SGCZ: variants seen among roughly 807,000 people sequenced by gnomAD.
SGCZ encodes the protein zeta-sarcoglycan.
A neutral mutation model predicts 41.3 loss-of-function variants in SGCZ; 40 were observed. The observed-to-expected ratio is 0.97, with a 90% CI of 0.75 to 1.26. The LOEUF is 1.26. Ranked by LOEUF, SGCZ falls within the 50% of genes most tolerant of loss-of-function variation. SGCZ has a pLI of 0.00. For synonymous variants in SGCZ, 206 were observed against 137.5 expected, an observed-to-expected ratio of 1.50 and a Z score of -3.49; for missense variants, 552 against 369.8, an observed-to-expected ratio of 1.49 and a Z score of -4.04.
At chr8:14,110,715 A>AT (rs1802345852) in intron 5 of SGCZ, among the ~76,000 whole-genome samples, 1 of 152,148 alleles carries the variant, frequency 6.6e-6, no homozygotes, top group Non-Finnish European at 1.5e-5. Context: ...GTAAGGGATG[A>AT]TAAAAGCCAC....
intron 1 of SGCZ, among the ~76,000 whole-genome samples, chr8:14,597,264 T>C (rs1010866153): frequency 2.0e-5 from 3 of 152,174 alleles, no homozygotes; most frequent in Non-Finnish European, 4.4e-5. Context: ...AAAGGAAACT[T>C]TGGTGTGTGG....
Position 14,190,853 on chromosome 8 carries a change from C to T in SGCZ, c.425-26151G>A, listed in dbSNP as rs548576555. Among the ~76,000 whole-genome samples the T allele has an allele frequency of 1.4e-4, 22 of 152,218 alleles. No homozygotes were observed. The South Asian group carries it at 3.9e-3, about 27-fold the overall frequency. Reference sequence around the variant, plus strand: ...TCCTGACCTTGTGATCCACCCGCCTCGGACTCCCAAAGTGCTGGGATTACA... The same window carrying T: ...TCCTGACCTTGTGATCCACCCGCCTTGGACTCCCAAAGTGCTGGGATTACA... On this transcript the variant is annotated intron_variant, in intron 4 of 7. Coordinates refer to ENST00000382080, the MANE Select transcript of SGCZ (RefSeq NM_139167.4).
intron 2 of SGCZ, among the ~76,000 whole-genome samples, chr8:14,530,423 A>T (rs945632824): frequency 3.3e-5 from 5 of 152,034 alleles, no homozygotes; most frequent in Admixed American, 1.3e-4. Flanking sequence ...TCATGTTTTT[A>T]TTTGATAATA....
chr8:14,412,428 T>A (rs890806222), intron 2 of SGCZ, among the ~76,000 whole-genome samples: 5 of 152,276 alleles, frequency 3.3e-5, no homozygotes, highest in Admixed American at 2.6e-4. Flanking sequence ...CTAGTTCATA[T>A]GAATGGAATT....
intron 1 of SGCZ, among the ~76,000 whole-genome samples, chr8:14,812,821 A>G (rs1409427003): frequency 6.6e-6 from 1 of 152,080 alleles, no homozygotes; most frequent in Non-Finnish European, 1.5e-5. Context: ...AGCTTCCACA[A>G]TTATCAAGCA....
intron 1 of SGCZ, among the ~76,000 whole-genome samples, chr8:15,079,073 T>C (rs1221276413): frequency 6.6e-6 from 1 of 152,168 alleles, no homozygotes; most frequent in Non-Finnish European, 1.5e-5. Context: ...TGCTCCTCCT[T>C]CTTCCTCCCA....
chr8:14,445,789 A>C (rs1194323428), intron 2 of SGCZ, among the ~76,000 whole-genome samples: 1 of 152,112 alleles, frequency 6.6e-6, no homozygotes, highest in African/African-American at 2.4e-5. Context: ...CAGACAGTGG[A>C]GTTAGGAGAG....
rs144256462 is a variant in SGCZ at position 14,664,431 on chromosome 8, T to C, written c.40-109505A>G. Among the ~76,000 whole-genome samples, 503 of 152,280 alleles carry C rather than the reference T, an allele frequency of 3.3e-3. 5 individuals are homozygous for C. The highest frequency in any genetic ancestry group is 0.012 in the African/African-American group (482 of 41,556). On this transcript the variant is annotated intron_variant, in intron 1 of 7. Coordinates refer to ENST00000382080, the MANE Select transcript of SGCZ (RefSeq NM_139167.4). ...GTCTTTAAAATGAAAGAAATACCAA[T>C]ATTTGTTTAATTCGATTGCATGAAT...
intron 1 of SGCZ, among the ~76,000 whole-genome samples, chr8:14,660,417 C>T (rs1046008667): frequency 6.6e-5 from 10 of 151,526 alleles, no homozygotes; most frequent in African/African-American, 2.4e-4. Flanking sequence ...ACTAAAAATA[C>T]TCAAATTAGC....
At chr8:14,925,582 G>C (rs778748815) in intron 1 of SGCZ, among the ~76,000 whole-genome samples, 4 of 152,178 alleles carry the variant, frequency 2.6e-5, no homozygotes, top group African/African-American at 4.8e-5. Context: ...TGCCCGTGTG[G>C]GTTGAAAAGA....
At chr8:15,027,810 A>AT (rs1803513667) in intron 1 of SGCZ, among the ~76,000 whole-genome samples, 1 of 151,970 alleles carries the variant, frequency 6.6e-6, no homozygotes, top group Non-Finnish European at 1.5e-5. Context: ...AGTACTCATA[A>AT]TTTTTTATTT....
intron 4 of SGCZ, among the ~76,000 whole-genome samples, chr8:14,182,940 G>A (rs1413972572): frequency 6.6e-6 from 1 of 150,866 alleles, no homozygotes; most frequent in Non-Finnish European, 1.5e-5. Flanking sequence ...AACCCAGGAG[G>A]CAGAGGTTGC....
rs550331254 is a variant in SGCZ, at chr8:14,125,210, G to A, written c.548-16975C>T. On this transcript the variant is annotated intron_variant, in intron 5 of 7. Transcript: ENST00000382080. ...AGAATCACTATTGTTGGCCAGGCGT[G>A]GTGGCTCACGCCTGCAATCCCAGCA... 2.3e-3 allele frequency among the ~76,000 whole-genome samples: 354 copies of A among 152,196 alleles called. 2 individuals carry two copies. The highest frequency in any genetic ancestry group is 7.9e-3 in the African/African-American group (329 of 41,536).
At chr8:14,625,890 G>A (rs1019633347) in intron 1 of SGCZ, among the ~76,000 whole-genome samples, 1 of 152,150 alleles carries the variant, frequency 6.6e-6, no homozygotes, top group Non-Finnish European at 1.5e-5. Flanking sequence ...GGTCAAATGA[G>A]AATTCATGAT....
intron 1 of SGCZ, among the ~76,000 whole-genome samples, chr8:14,995,224 C>T (rs1187325217): frequency 6.6e-6 from 1 of 152,236 alleles, no homozygotes; most frequent in East Asian, 1.9e-4. Context: ...TTGGAAAGCT[C>T]ACGCTGGTAG....
At chr8:14,825,350 A>C (rs6982705) in intron 1 of SGCZ, among the ~76,000 whole-genome samples, 61,119 of 151,996 alleles carry the variant, frequency 0.4, 16,282 homozygotes, top group African/African-American at 0.74. Flanking sequence ...TAGAATCTTT[A>C]CAATTTTTTA....
At chr8:14,774,467 C>T (rs928945362) in intron 1 of SGCZ, among the ~76,000 whole-genome samples, 1 of 152,202 alleles carries the variant, frequency 6.6e-6, no homozygotes, top group African/African-American at 2.4e-5. Context: ...ACACCTGTGT[C>T]CCCTACCAGA....
At chr8:14,519,518 A>T (rs1199621339) in intron 2 of SGCZ, among the ~76,000 whole-genome samples, 1 of 152,142 alleles carries the variant, frequency 6.6e-6, no homozygotes, top group African/African-American at 2.4e-5. Flanking sequence ...GTTCATGTTA[A>T]AAAACACTTT....
chr8:15,164,719 A>C (rs1454518736), intron 1 of SGCZ, among the ~76,000 whole-genome samples: 1 of 149,716 alleles, frequency 6.7e-6, no homozygotes, highest in East Asian at 2.0e-4. Context: ...TAAAGCTTTA[A>C]TTGTGAAAAA....
Sources: allele counts gnomAD v4.1 joint callset (sites outside exome capture counted in the v4.1 genomes callset), GRCh38; gene constraint gnomAD v4.1.1; transcripts MANE v1.5; gene names NCBI Gene and HGNC (gene_info 2026-07-23, HGNC 2026-07-21).